DPP9: variants seen among roughly 807,000 people sequenced by gnomAD.
DPP9 encodes the protein dipeptidyl peptidase IV-related protein-2.
A neutral mutation model predicts 110.7 loss-of-function variants in DPP9; 50 were observed. That is an observed-to-expected ratio of 0.45 (90% CI 0.36 to 0.57). The LOEUF (loss-of-function observed/expected upper bound fraction) is 0.57. Among genes scored for constraint, DPP9 ranks in the 20% least tolerant of loss-of-function variants. The probability of loss-of-function intolerance (pLI) is 0.00; values close to 1 mark genes in which losing one functional copy is unlikely to be tolerated. For synonymous variants in DPP9, 561 were observed against 514.4 expected (o/e 1.09, Z -1.23); for missense variants, 1,022 against 1,217.9 (o/e 0.84, Z 2.39).
In DPP9 at chr19:4,703,974, A is replaced by G; in HGVS notation, c.681T>C (p.Pro227=). 6.2e-7 allele frequency: 1 copy of G among 1,613,942 alleles called. No homozygotes were observed. The highest frequency in any genetic ancestry group is 1.1e-5 in the South Asian group (1 of 91,072). The change falls in exon 7 of 22, where the codon CCT becomes CCC. Residue 227 remains proline, a synonymous_variant. Transcript: ENST00000262960. ...TGTTATTGATGAAGGAGAAGAAGGCAGGGTCGGCAGGGCAGATTTTGGGGT... is the reference window on the plus strand; with the variant it reads ...TGTTATTGATGAAGGAGAAGAAGGCGGGGTCGGCAGGGCAGATTTTGGGGT... ...RMDPKICPAD[P]AFFSFINNSD... is the part of the protein sequence containing the mutation.
At chr19:4,713,963 G>A in intron 4 of DPP9, 118 bp downstream of exon 4, 1 of 1,396,734 alleles carries the variant, frequency 7.2e-7, no homozygotes, top group South Asian at 1.5e-5. Flanking sequence ...AGCATGCCCA[G>A]GGCCCAGCCA....
Position 4,693,163 on chromosome 19 carries a change from G to C in DPP9, c.1516+1498C>G, listed in dbSNP as rs1051706850. Among the ~76,000 whole-genome samples, 5 of 152,116 alleles carry C rather than the reference G, an allele frequency of 3.3e-5. No homozygotes were observed. Among genetic ancestry groups the C allele is most frequent in the African/African-American group, 9.7e-5 (4 of 41,430 alleles). ...CCTGGCATGGAGTGGGTGGAGGCCA[G>C]GGATGCCACTTGGTGCACAGGATGG... On this transcript the variant is annotated intron_variant, in intron 13 of 21. Coordinates refer to ENST00000262960, the MANE Select transcript of DPP9 (RefSeq NM_139159.5). This position sits in a 1 kb window ranked among gnomAD's most constrained non-coding sequence, Gnocchi z 5.0.
chr19:4,683,672 T>C (rs1288745571), intron 18 of DPP9, 43 bp from the exon 19 acceptor site: 1 of 1,612,982 alleles, frequency 6.2e-7, no homozygotes, highest in Non-Finnish European at 8.5e-7. Context: ...CTCCTCCCGG[T>C]ATGTCCCTCC....
At chr19:4,709,675 G>C (rs2092742059) in intron 4 of DPP9, among the ~76,000 whole-genome samples, 2 of 152,270 alleles carry the variant, frequency 1.3e-5, no homozygotes, top group Admixed American at 6.5e-5. Context: ...TTTGGGGCGA[G>C]TGAATGTTCT....
In DPP9 at chr19:4,703,917, G is replaced by C. The variant is rs368915583; in HGVS notation, c.738C>G (p.Gly246=). Residue 246 remains glycine (G), a synonymous_variant, in exon 7 of 22, where the codon GGC becomes GGG. Transcript: ENST00000262960. The part of the protein sequence containing the change: ...SDLWVANIET[G]EERRLTFCHQ... The stretch of plus-strand genomic sequence containing the variant: ...GGCAGAAGGTCAGCCGCCGCTCCTC[G>C]CCTGTCTCGATGTTGGCCACCCACA... 11 of 1,611,266 alleles carry C rather than the reference G, an allele frequency of 6.8e-6. No homozygotes were observed. The highest frequency in any genetic ancestry group is 1.3e-5 in the African/African-American group (1 of 74,882).
rs374713263 is a variant in DPP9 at position 4,690,174 on chromosome 19, C to T, written c.1597-452G>A. Reference sequence around the variant, plus strand: ...TCCTGTGGGAAGCCCCAGTAGGCCCCGAAGTGGTGTCTCCTGGAGGAGTGG... The same window carrying T: ...TCCTGTGGGAAGCCCCAGTAGGCCCTGAAGTGGTGTCTCCTGGAGGAGTGG... On this transcript the variant is annotated intron_variant, in intron 14 of 21. Transcript: ENST00000262960. 2.3e-4 allele frequency among the ~76,000 whole-genome samples: 35 copies of T among 152,332 alleles called. No individual in the cohort carries two copies. The East Asian group carries it at 3.5e-3, about 15-fold the overall frequency.
intron 4 of DPP9, among the ~76,000 whole-genome samples, 194 bp downstream of exon 4, chr19:4,713,887 G>GT (rs1424996930): frequency 6.6e-6 from 1 of 152,142 alleles, no homozygotes; most frequent in East Asian, 1.9e-4. Context: ...TCCGGGGGCC[G>GT]CCCCACCCAC....
intron 20 of DPP9, among the ~76,000 whole-genome samples, chr19:4,680,193 C>T (rs2089624614): frequency 1.4e-5 from 2 of 147,960 alleles, no homozygotes; most frequent in African/African-American, 2.6e-5. Context: ...GCTGAGATCG[C>T]GCCACTCACT....
rs2090943634 is a variant in DPP9, at chr19:4,687,957, C to T, written c.1885+800G>A. Among the ~76,000 whole-genome samples the T allele has an allele frequency of 6.6e-6, 1 of 152,126 alleles. No homozygotes were observed. Among genetic ancestry groups the T allele is most frequent in the African/African-American group, 2.4e-5 (1 of 41,424 alleles). On this transcript the variant is annotated intron_variant, in intron 16 of 21. Transcript: ENST00000262960. This position sits in a 1 kb window ranked among gnomAD's most constrained non-coding sequence, Gnocchi z 4.7. ...GACTACAGGCGCCCGCCACCATGCT[C>T]GGCTAATTTTTTGTATTTTTAGTAG...
In DPP9 at chr19:4,684,452, C is replaced by T; in HGVS notation, c.2178+211G>A. ...TCACCAGTGTCAGCACAACTTGTCT[C>T]TGTCCCTGCAGGGCGCAGCCCAGAG... On this transcript the variant is annotated intron_variant, in intron 18 of 21. Transcript: ENST00000262960. This position sits in a 1 kb window ranked among gnomAD's most constrained non-coding sequence, Gnocchi z 4.8. 1.7e-6 allele frequency: 1 copy of T among 600,834 alleles called. No individual in the cohort carries two copies. The highest frequency in any genetic ancestry group is 2.9e-6 in the Non-Finnish European group (1 of 344,186). 37.2% of individuals were successfully genotyped at this position (600,834 alleles called of 1,614,324 possible).
rs148551116 is a variant in DPP9 at position 4,706,038 on chromosome 19, C to A, written c.314-68G>T. 3.3e-3 allele frequency: 4,348 copies of A among 1,317,852 alleles called. 14 individuals carry two copies. Among genetic ancestry groups the A allele is most frequent in the Non-Finnish European group, 4.1e-3 (3,840 of 942,780 alleles). 81.6% of individuals were successfully genotyped at this position (1,317,852 alleles called of 1,614,324 possible). ...AGGATGGGGAGACGCCCTCAGCCTGCAGCTGGGCCCAGCTGGTTCCCTCTG... is the reference window on the plus strand; with the variant it reads ...AGGATGGGGAGACGCCCTCAGCCTGAAGCTGGGCCCAGCTGGTTCCCTCTG... On this transcript the variant is annotated intron_variant, in intron 4 of 21. Transcript: ENST00000262960.
At position 4,702,042 on chromosome 19, in the gene DPP9, G is replaced by A. The variant is rs756602514; in HGVS notation, c.997C>T (p.Arg333Trp). The A allele has an allele frequency of 1.1e-5, 18 of 1,613,708 alleles. No individual in the cohort carries two copies. The highest frequency in any genetic ancestry group is 2.7e-5 in the African/African-American group (2 of 74,910). Residue 333 changes from arginine (R) to tryptophan (W), a missense_variant, in exon 9 of 22, where the codon CGG (arginine) becomes TGG (tryptophan). Arg to Trp is a moderately radical substitution (Grantham distance 101). This residue lies in a region of DPP9 where 810 missense variants were observed against 920.6 expected (regional missense o/e 0.88). Coordinates refer to ENST00000262960, the MANE Select transcript of DPP9 (RefSeq NM_139159.5). ...GGGCACTCACCTGTCCTGGGGTACCGATACGAGTCCGTCTTCCTTTCTTCT... is the reference window on the plus strand; with the variant it reads ...GGGCACTCACCTGTCCTGGGGTACCAATACGAGTCCGTCTTCCTTTCTTCT... ...ALEERKTDSY[R>W]YPRTGSKNPK...
chr19:4,714,212 T>C lies in DPP9; in HGVS notation c.182A>G (p.Asp61Gly), dbSNP rs2092969117. Residue 61 changes from aspartate to glycine, a missense_variant, in exon 4 of 22, where the codon GAC (aspartate) becomes GGC (glycine). By Grantham distance (94) the Asp-to-Gly change is moderately conservative (BLOSUM62 -1). This residue lies in a region of DPP9 where 810 missense variants were observed against 920.6 expected (regional missense o/e 0.88). Coordinates refer to ENST00000262960, the MANE Select transcript of DPP9 (RefSeq NM_139159.5). Reference protein sequence around the residue: ...ARFQVQKHSWDGLRSIIHGSR... With the variant: ...ARFQVQKHSWGGLRSIIHGSR... ...GCCGTGGATGATGCTCCGGAGCCCGTCCCACGAGTGCTTCTGCACCTGGAA... is the reference window on the plus strand; with the variant it reads ...GCCGTGGATGATGCTCCGGAGCCCGCCCCACGAGTGCTTCTGCACCTGGAA... 1.2e-6 allele frequency: 2 copies of C among 1,605,258 alleles called. No homozygotes were observed. Among genetic ancestry groups the C allele is most frequent in the South Asian group, 2.2e-5 (2 of 89,842 alleles).
Position 4,693,692 on chromosome 19 carries a change from G to A in DPP9, c.1516+969C>T, listed in dbSNP as rs1299873574. The stretch of plus-strand genomic sequence containing the variant: ...TCCCGGCCCCTGGGCCTGTGTGCAA[G>A]CTGCAACCAGAGGAGTCATCTGAAA... On this transcript the variant is annotated intron_variant, in intron 13 of 21. Coordinates refer to ENST00000262960, the MANE Select transcript of DPP9 (RefSeq NM_139159.5). This position sits in a 1 kb window ranked among gnomAD's most constrained non-coding sequence, Gnocchi z 5.0. 1.3e-5 allele frequency among the ~76,000 whole-genome samples: 2 copies of A among 152,142 alleles called. No homozygotes were observed. Among genetic ancestry groups the A allele is most frequent in the Non-Finnish European group, 2.9e-5 (2 of 68,004 alleles).
rs113725834 is a variant in DPP9, at chr19:4,676,700, A to T, written c.2587-44T>A. 2 of 1,490,524 alleles carry T rather than the reference A, an allele frequency of 1.3e-6. No individual in the cohort carries two copies. The highest frequency in any genetic ancestry group is 1.8e-6 in the Non-Finnish European group (2 of 1,089,816). The allele number at this position is 1,490,524 out of a possible 1,614,324, so 92.3% of individuals were successfully genotyped here. On this transcript the variant is annotated intron_variant, in intron 21 of 21. Coordinates refer to ENST00000262960, the MANE Select transcript of DPP9 (RefSeq NM_139159.5). This position sits in a 1 kb window ranked among gnomAD's most constrained non-coding sequence, Gnocchi z 4.0. ...CAGGGCTGGGGGGCGTGGCCGGACC[A>T]CCCCCGTGTCCTAGGCTCCTCCCTT... is the stretch of plus-strand genomic sequence containing the variant.
At position 4,685,751 on chromosome 19, in the gene DPP9, G is replaced by A. The variant is rs770820179; in HGVS notation, c.1906C>T (p.Pro636Ser). The change falls in exon 17 of 22, where the codon CCT becomes TCT. Residue 636 changes from proline to serine, a missense_variant. This residue lies in a region of DPP9 where 810 missense variants were observed against 920.6 expected (regional missense o/e 0.88). Transcript: ENST00000262960. This position sits in a 1 kb window ranked among gnomAD's most constrained non-coding sequence, Gnocchi z 5.8. Reference protein sequence around the residue: ...EAASCPPDYVPPEIFHFHTRS... With the variant: ...EAASCPPDYVSPEIFHFHTRS... ...GTGTGGAAATGGAAGATCTCTGGAGGAACATAATCCGGGGGGCAGCCTGCG... is the reference window on the plus strand; with the variant it reads ...GTGTGGAAATGGAAGATCTCTGGAGAAACATAATCCGGGGGGCAGCCTGCG... The A allele has an allele frequency of 2.5e-6, 4 of 1,613,122 alleles. No homozygotes were observed. The South Asian group carries it at 4.4e-5, about 18-fold the overall frequency.
rs1276833061 is a variant in DPP9, at chr19:4,675,499, T to TGGCTGGGC, written c.*1057_*1064dup. ...TGTGTACGGGTCAGGCAGACACATG[T>TGGCTGGGC]GGCTGGGCGGCTGGGCTGGGGAGGG... is the stretch of plus-strand genomic sequence containing the variant. On this transcript the variant is annotated 3_prime_UTR_variant, in exon 22 of 22. Coordinates refer to ENST00000262960, the MANE Select transcript of DPP9 (RefSeq NM_139159.5). The TGGCTGGGC allele has an allele frequency of 6.6e-6, 1 of 152,078 alleles. No homozygotes were observed. 9.4% of individuals were successfully genotyped at this position (152,078 alleles called of 1,614,324 possible). A position where few individuals can be genotyped will look rare whatever the true frequency, so the allele number is the denominator to read the frequency against.
chr19:4,711,409 T>A (rs868202035), intron 4 of DPP9, among the ~76,000 whole-genome samples: 2 of 151,920 alleles, frequency 1.3e-5, no homozygotes, highest in African/African-American at 4.8e-5. Flanking sequence ...TGGGATTAAG[T>A]GAAGGCTCTT....
chr19:4,697,250 C>T (rs1329713633), intron 11 of DPP9, among the ~76,000 whole-genome samples: 1 of 152,162 alleles, frequency 6.6e-6, no homozygotes, highest in East Asian at 1.9e-4. Flanking sequence ...TTTTCTGAGC[C>T]TGAGGTCTGG....
Sources: allele counts gnomAD v4.1 joint callset (sites outside exome capture counted in the v4.1 genomes callset), GRCh38; gene constraint gnomAD v4.1.1; regional missense constraint gnomAD v4.1.1; non-coding constraint Gnocchi (gnomAD v3.1); transcripts MANE v1.5; gene names NCBI Gene and HGNC (gene_info 2026-07-23, HGNC 2026-07-21).